The following IKZF2 variants were observed in gnomAD, a reference collection of about 807,000 sequenced individuals.
IKZF2 encodes the protein zinc finger protein Helios.
Under a neutral mutation model 49.2 loss-of-function variants are expected in IKZF2, and 15 were observed. That is an observed-to-expected ratio of 0.30 (90% CI 0.20 to 0.47). The LOEUF is 0.47. Ranked by LOEUF, IKZF2 falls within the 20% of genes least tolerant of loss-of-function variation. The pLI is 1.00. For synonymous variants in IKZF2, 227 were observed against 221.4 expected, an observed-to-expected ratio of 1.03 and a Z score of -0.23; for missense variants, 567 against 664.6, an observed-to-expected ratio of 0.85 and a Z score of 1.61.
chr2:213,088,788 C>T (rs1704969325), intron 4 of IKZF2, among the ~76,000 whole-genome samples: 1 of 152,006 alleles, frequency 6.6e-6, no homozygotes, highest in African/African-American at 2.4e-5. Context: ...GTTCATTTTA[C>T]CAAAATTAAT....
At chr2:213,037,069 T>C (rs965875365) in intron 6 of IKZF2, among the ~76,000 whole-genome samples, 3 of 152,114 alleles carry the variant, frequency 2.0e-5, no homozygotes, top group Non-Finnish European at 4.4e-5. Flanking sequence ...TGCAGACTCA[T>C]GGTGTGGAAG....
chr2:213,015,252 G>C (rs1168901284), intron 7 of IKZF2: 1 of 151,868 alleles, frequency 6.6e-6, no homozygotes, highest in Non-Finnish European at 1.5e-5. Flanking sequence ...CCTATAGATG[G>C]GTCAAAAAAA....
intron 4 of IKZF2, among the ~76,000 whole-genome samples, chr2:213,142,611 C>T (rs1044984988): frequency 1.3e-5 from 2 of 151,892 alleles, no homozygotes; most frequent in African/African-American, 4.8e-5. Context: ...CCCTATTCTA[C>T]GGATAAGGAA....
intron 6 of IKZF2, among the ~76,000 whole-genome samples, chr2:213,031,434 A>G (rs1020446515): frequency 2.6e-5 from 4 of 152,212 alleles, no homozygotes; most frequent in Non-Finnish European, 5.9e-5. Context: ...CTTTAAAGTA[A>G]AATCACAGAC....
Position 213,057,028 on chromosome 2 carries a change from T to A in IKZF2, c.211A>T (p.Ile71Phe), listed in dbSNP as rs768308600. 1 of 1,613,868 alleles carries A rather than the reference T, an allele frequency of 6.2e-7. No individual in the cohort carries two copies. The highest frequency in any genetic ancestry group is 8.5e-7 in the Non-Finnish European group (1 of 1,179,890). The change falls in exon 5 of 9, where the codon ATC (isoleucine) becomes TTC (phenylalanine). Residue 71 changes from isoleucine to phenylalanine, a missense_variant. Ile to Phe is a conservative substitution (Grantham distance 21). This residue lies in a region of IKZF2 where 156 missense variants were observed against 138.5 expected (regional missense o/e 1.13). Coordinates refer to ENST00000434687, the MANE Select transcript of IKZF2 (RefSeq NM_001387220.1). Reference sequence around the variant, plus strand: ...CTGCTACCCTCATCATGGCCCCTGATCTCATCTTCACGGCTCAGGGGTTTC... The same window carrying A: ...CTGCTACCCTCATCATGGCCCCTGAACTCATCTTCACGGCTCAGGGGTTTC... ...DRKPLSREDE[I>F]RGHDEGSSLE...
intron 4 of IKZF2, among the ~76,000 whole-genome samples, chr2:213,144,945 C>T (rs1348340077): frequency 6.6e-6 from 1 of 151,866 alleles, no homozygotes; most frequent in African/African-American, 2.4e-5. Context: ...CCTCCCAAGT[C>T]ACCAGTGCTC....
chr2:213,148,485 GAA>G (rs778277661), intron 3 of IKZF2, 109 bp downstream of exon 3: 6 of 728,462 alleles, frequency 8.2e-6, no homozygotes, highest in Middle Eastern at 6.8e-4. Flanking sequence ...TGAACAGAGA[GAA>G]AAAAGAGTAC....
At chr2:213,066,422 C>T (rs572003291) in intron 4 of IKZF2, among the ~76,000 whole-genome samples, 55 of 152,158 alleles carry the variant, frequency 3.6e-4, no homozygotes, top group African/African-American at 1.3e-3. Flanking sequence ...TTTCCATACC[C>T]CAGGTTCAAA....
chr2:213,022,945 C>A (rs763811325), intron 6 of IKZF2, among the ~76,000 whole-genome samples: 4 of 151,894 alleles, frequency 2.6e-5, no homozygotes, highest in African/African-American at 7.3e-5. Context: ...TTAAAAAAAA[C>A]CTTAAAAAAC....
intron 4 of IKZF2, among the ~76,000 whole-genome samples, chr2:213,125,303 T>A (rs1209981033): frequency 6.6e-6 from 1 of 152,182 alleles, no homozygotes; most frequent in Non-Finnish European, 1.5e-5. Flanking sequence ...TTTCTCCTAG[T>A]TCCTAATAGA....
At chr2:213,051,368 G>A (rs1314195675) in intron 5 of IKZF2, among the ~76,000 whole-genome samples, 2 of 151,800 alleles carry the variant, frequency 1.3e-5, no homozygotes, top group African/African-American at 4.8e-5. Context: ...TGGGTGTGGT[G>A]GGGGTTAAGG....
intron 4 of IKZF2, among the ~76,000 whole-genome samples, chr2:213,127,041 C>T (rs186007094): frequency 2.6e-5 from 4 of 152,274 alleles, no homozygotes; most frequent in African/African-American, 7.2e-5. Context: ...GCTCCAACCA[C>T]AATATGGAAT....
chr2:213,134,535 T>C (rs1380946880), intron 4 of IKZF2, among the ~76,000 whole-genome samples: 1 of 152,230 alleles, frequency 6.6e-6, no homozygotes, highest in Non-Finnish European at 1.5e-5. Flanking sequence ...ATAACTAATA[T>C]AACTTAATAA....
At chr2:213,119,599 T>C (rs1159571088) in intron 4 of IKZF2, among the ~76,000 whole-genome samples, 1 of 152,210 alleles carries the variant, frequency 6.6e-6, no homozygotes, top group Admixed American at 6.5e-5. Context: ...CCTAGTAATT[T>C]TGTGTATTAA....
At chr2:213,049,601 G>C in intron 6 of IKZF2, 112 bp downstream of exon 6, 1 of 690,006 alleles carries the variant, frequency 1.4e-6, no homozygotes, top group Non-Finnish European at 2.2e-6. Flanking sequence ...CCAATAACAA[G>C]ATTGTCTTGG....
intron 4 of IKZF2, among the ~76,000 whole-genome samples, chr2:213,128,688 CATG>C (rs754836264): frequency 1.3e-5 from 2 of 151,906 alleles, no homozygotes; most frequent in Non-Finnish European, 2.9e-5. Flanking sequence ...AGTACAGTGG[CATG>C]ATCTCAGCTC....
At chr2:213,051,890 C>T (rs1464888225) in intron 5 of IKZF2, among the ~76,000 whole-genome samples, 1 of 151,926 alleles carries the variant, frequency 6.6e-6, no homozygotes, top group African/African-American at 2.4e-5. Flanking sequence ...GTGTGGTGAA[C>T]AATTTGAAGT....
At chr2:213,144,448 C>G (rs1345838057) in intron 4 of IKZF2, among the ~76,000 whole-genome samples, 1 of 151,782 alleles carries the variant, frequency 6.6e-6, no homozygotes, top group East Asian at 1.9e-4. Context: ...CAGTATAGAA[C>G]AGTCTGAAAC....
At chr2:213,079,765 A>G (rs988842181) in intron 4 of IKZF2, among the ~76,000 whole-genome samples, 13 of 152,246 alleles carry the variant, frequency 8.5e-5, no homozygotes, top group Admixed American at 8.5e-4. Context: ...CCTAGCAGCA[A>G]CTTCCATTTT....
Sources: allele counts gnomAD v4.1 joint callset (sites outside exome capture counted in the v4.1 genomes callset), GRCh38; gene constraint gnomAD v4.1.1; regional missense constraint gnomAD v4.1.1; transcripts MANE v1.5; gene names NCBI Gene and HGNC (gene_info 2026-07-23, HGNC 2026-07-21).